TPX2: variants seen among roughly 807,000 people sequenced by gnomAD.
TPX2 encodes TPX2 microtubule nucleation factor.
Under a neutral mutation model 93.6 loss-of-function variants are expected in TPX2, and 21 were observed. That is an observed-to-expected ratio of 0.22 (90% CI 0.16 to 0.32). The LOEUF (loss-of-function observed/expected upper bound fraction) is 0.32, where lower values mean the gene tolerates loss of function less well. Ranked by LOEUF, TPX2 falls within the 10% of genes least tolerant of loss-of-function variation. The pLI is 1.00. For synonymous variants in TPX2, 281 were observed against 298.3 expected, an observed-to-expected ratio of 0.94 and a Z score of 0.60; for missense variants, 776 against 871.1, an observed-to-expected ratio of 0.89 and a Z score of 1.37.
intron 2 of TPX2, among the ~76,000 whole-genome samples, chr20:31,751,842 A>C (rs1379965150): frequency 6.6e-6 from 1 of 152,148 alleles, no homozygotes; most frequent in African/African-American, 2.4e-5. Context: ...TCCTGGGTTC[A>C]AGTGATTCTC....
At chr20:31,765,454 TTTGTTG>T (rs928620717) in intron 4 of TPX2, among the ~76,000 whole-genome samples, 7 of 151,914 alleles carry the variant, frequency 4.6e-5, no homozygotes, top group Non-Finnish European at 7.4e-5. Flanking sequence ...TCATATTGGT[TTTGTTG>T]TTGTTGTTGT....
At chr20:31,786,405 T>G (rs1429362290) in intron 12 of TPX2, among the ~76,000 whole-genome samples, 3 of 141,900 alleles carry the variant, frequency 2.1e-5, no homozygotes, top group South Asian at 2.1e-4. Context: ...CTACTGTTTT[T>G]TTTTTTTTTT....
chr20:31,778,413 C>G (rs984597221), intron 9 of TPX2, among the ~76,000 whole-genome samples: 2 of 152,092 alleles, frequency 1.3e-5, no homozygotes, highest in African/African-American at 4.8e-5. Context: ...TCCACTGATT[C>G]AGGAAGCTGC....
chr20:31,792,836 T>G lies in TPX2; in HGVS notation c.1509+6T>G. ...TGCCCACCAAAGAAGATGAGGTGAT[T>G]CCCTGGGAGTAGGGGGGTTCTTTTT... On this transcript the variant is annotated splice_donor_region_variant and intron_variant, in intron 13 of 17. Coordinates refer to ENST00000300403, the MANE Select transcript of TPX2 (RefSeq NM_012112.5). The G allele has an allele frequency of 6.2e-7, 1 of 1,613,206 alleles. No individual in the cohort carries two copies. Among genetic ancestry groups the G allele is most frequent in the Admixed American group, 1.7e-5 (1 of 60,018 alleles).
intron 15 of TPX2, 91 bp downstream of exon 15, chr20:31,794,639 A>G: frequency 6.7e-7 from 1 of 1,489,440 alleles, no homozygotes; most frequent in Admixed American, 2.0e-5. Context: ...CTGGGTTAAC[A>G]TGCTACATTG....
chr20:31,785,341 A>G (rs186156518), intron 12 of TPX2, among the ~76,000 whole-genome samples: 3 of 152,288 alleles, frequency 2.0e-5, no homozygotes, highest in Non-Finnish European at 4.4e-5. Flanking sequence ...TGTGAATACA[A>G]CAAGGGAAAA....
chr20:31,794,002 T>C lies in TPX2; in HGVS notation c.1664T>C (p.Ile555Thr). ...CGTCAGTTACAGAAGGAGAAGAAAA[T>C]AAAAGAACTGCAGAAAGGGGAGGTA... ...KERQLQKEKK[I>T]KELQKGEVPK... Residue 555 changes from isoleucine (I) to threonine (T), a missense_variant, in exon 14 of 18, where the codon ATA becomes ACA. Coordinates refer to ENST00000300403, the MANE Select transcript of TPX2 (RefSeq NM_012112.5). 2.5e-6 allele frequency: 4 copies of C among 1,612,166 alleles called. No homozygotes were observed. The highest frequency in any genetic ancestry group is 3.4e-6 in the Non-Finnish European group (4 of 1,179,448).
Position 31,766,654 on chromosome 20 carries a change from T to G in TPX2, c.328T>G (p.Ser110Ala), listed in dbSNP as rs775307419. 6.2e-7 allele frequency: 1 copy of G among 1,613,774 alleles called. No individual in the cohort carries two copies. The change falls in exon 5 of 18, where the codon TCA (serine) becomes GCA (alanine). Residue 110 changes from serine to alanine, a missense_variant. Ser to Ala is a moderately conservative substitution (Grantham distance 99, BLOSUM62 1). Transcript: ENST00000300403. ...TTCCCTGGAAGTTGAGGCAGCCATA[T>G]CAAGAAAAACTCCAGCCCAGCCTCA... ...CSSLEVEAAISRKTPAQPQRR... is the reference protein window; with the variant it reads ...CSSLEVEAAIARKTPAQPQRR...
intron 3 of TPX2, 90 bp downstream of exon 3, chr20:31,757,672 G>T (rs2122980824): frequency 3.1e-6 from 3 of 960,404 alleles, no homozygotes; most frequent in Non-Finnish European, 3.2e-6. Context: ...TGCAAGAAAA[G>T]AACTAAAATA....
chr20:31,792,614 C>A (rs565921888), intron 12 of TPX2, 121 bp from the exon 13 acceptor site: 5 of 926,484 alleles, frequency 5.4e-6, no homozygotes, highest in African/African-American at 4.9e-5. Context: ...GAGTTTGAGA[C>A]CAGCTGGGCA....
rs573660068 is a variant in TPX2 at position 31,801,248 on chromosome 20, G to A, written c.*168G>A. Reference sequence around the variant, plus strand: ...GACAACTGTGGACTCCAGTTTTGTTGAGAATTGTTTTCTTACATTACTAAG... The same window carrying A: ...GACAACTGTGGACTCCAGTTTTGTTAAGAATTGTTTTCTTACATTACTAAG... On this transcript the variant is annotated 3_prime_UTR_variant, in exon 18 of 18. Transcript: ENST00000300403. 3.4e-6 allele frequency: 2 copies of A among 584,200 alleles called. No homozygotes were observed. Among genetic ancestry groups the A allele is most frequent in the Non-Finnish European group, 3.1e-6 (1 of 327,850 alleles). The allele number at this position is 584,200 out of a possible 1,614,324, so 36.2% of individuals were successfully genotyped here. A position where few individuals can be genotyped will look rare whatever the true frequency, so the allele number is the denominator to read the frequency against.
At chr20:31,773,348 A>C (rs2061976141) in intron 7 of TPX2, among the ~76,000 whole-genome samples, 1 of 146,500 alleles carries the variant, frequency 6.8e-6, no homozygotes, top group African/African-American at 2.4e-5. Context: ...ATGGAGTTTC[A>C]CCATGTTGGC....
chr20:31,741,592 C>T (rs2061753507), intron 1 of TPX2, among the ~76,000 whole-genome samples: 2 of 152,108 alleles, frequency 1.3e-5, no homozygotes, highest in Non-Finnish European at 2.9e-5. Flanking sequence ...AATTCTCCTG[C>T]CTCAGCCTCC....
intron 11 of TPX2, among the ~76,000 whole-genome samples, chr20:31,782,922 A>T (rs1362031847): frequency 6.6e-6 from 1 of 151,632 alleles, no homozygotes; most frequent in Non-Finnish European, 1.5e-5. Context: ...ACACACACAC[A>T]CACACACACA....
intron 1 of TPX2, among the ~76,000 whole-genome samples, chr20:31,740,235 C>T (rs1419612203): frequency 6.6e-6 from 1 of 152,184 alleles, no homozygotes; most frequent in Non-Finnish European, 1.5e-5. Context: ...ATCAGGCCTA[C>T]TTAGGATAGA....
At chr20:31,754,452 A>C (rs1302453887) in intron 2 of TPX2, among the ~76,000 whole-genome samples, 1 of 152,146 alleles carries the variant, frequency 6.6e-6, no homozygotes, top group East Asian at 1.9e-4. Flanking sequence ...CTGAACGGCT[A>C]TGTAGGTTGG....
At chr20:31,773,727 AATTG>A (rs2061978706) in intron 7 of TPX2, among the ~76,000 whole-genome samples, 1 of 152,168 alleles carries the variant, frequency 6.6e-6, no homozygotes, top group African/African-American at 2.4e-5. Context: ...TTTAATTGTA[AATTG>A]ATAATTTATA....
intron 2 of TPX2, among the ~76,000 whole-genome samples, chr20:31,756,880 G>A (rs960920352): frequency 1.4e-4 from 21 of 152,160 alleles, no homozygotes; most frequent in African/African-American, 5.1e-4. Context: ...ACCCGCCTCA[G>A]CCTCTCGAAG....
intron 1 of TPX2, among the ~76,000 whole-genome samples, chr20:31,742,262 C>T (rs1600347003): frequency 6.7e-6 from 1 of 150,272 alleles, no homozygotes; most frequent in Non-Finnish European, 1.5e-5. Context: ...ACTGAAGCTT[C>T]CGCTTCCCAG....
Sources: allele counts gnomAD v4.1 joint callset (sites outside exome capture counted in the v4.1 genomes callset), GRCh38; gene constraint gnomAD v4.1.1; transcripts MANE v1.5; gene names NCBI Gene and HGNC (gene_info 2026-07-23, HGNC 2026-07-21).